The following MKI67 variants were observed in gnomAD, a reference collection of about 807,000 sequenced individuals.
MKI67 encodes proliferation marker protein Ki-67.
A neutral mutation model predicts 233.5 loss-of-function variants in MKI67; 152 were observed. The ratio of observed to expected loss-of-function variants is 0.65; its 90% CI spans 0.57 to 0.74. The LOEUF is 0.74. Ranked by LOEUF, MKI67 falls within the 30% of genes least tolerant of loss-of-function variation. MKI67 has a pLI of 0.00. For missense variants in MKI67, 3,940 were observed against 3,885.2 expected (o/e 1.01, Z -0.37); for synonymous variants, 1,465 against 1,418.5 (o/e 1.03, Z -0.74).
In MKI67 at chr10:128,111,627, C is replaced by G; in HGVS notation, c.2260+18G>C. The stretch of plus-strand genomic sequence containing the variant: ...AGTAGAGTCAAAAGATTTATAAGAT[C>G]TAAGACTACGTTTTTACCTGAAAGA... On this transcript the variant is annotated intron_variant, in intron 11 of 14. Coordinates refer to ENST00000368654, the MANE Select transcript of MKI67 (RefSeq NM_002417.5). The G allele has an allele frequency of 6.4e-7, 1 of 1,567,388 alleles. No individual in the cohort carries two copies. Among genetic ancestry groups the G allele is most frequent in the South Asian group, 1.1e-5 (1 of 88,448 alleles).
At position 128,112,438 on chromosome 10, in the gene MKI67, G is replaced by A. The variant is rs761335671; in HGVS notation, c.1664C>T (p.Pro555Leu). ...PVLKKIIKEQPQPSGKQESGS... is the reference protein window; with the variant it reads ...PVLKKIIKEQLQPSGKQESGS... Reference sequence around the variant, plus strand: ...TGACTCTTGTTTTCCTGATGGTTGAGGCTGTTCCTGACAAGACAAAATTGT... The same window carrying A: ...TGACTCTTGTTTTCCTGATGGTTGAAGCTGTTCCTGACAAGACAAAATTGT... The change falls in exon 9 of 15, where the codon CCT becomes CTT. Residue 555 changes from proline to leucine, a missense_variant. By Grantham distance (98) the Pro-to-Leu change is moderately conservative (BLOSUM62 -3). Coordinates refer to ENST00000368654, the MANE Select transcript of MKI67 (RefSeq NM_002417.5). 8 of 1,613,730 alleles carry A rather than the reference G, an allele frequency of 5.0e-6. No homozygotes were observed. The highest frequency in any genetic ancestry group is 6.8e-6 in the Non-Finnish European group (8 of 1,179,764).
Position 128,109,324 on chromosome 10 carries a change from C to G in MKI67, c.2516G>C (p.Gly839Ala). The change falls in exon 13 of 15, where the codon GGA becomes GCA. Residue 839 changes from glycine to alanine, a missense_variant. Coordinates refer to ENST00000368654, the MANE Select transcript of MKI67 (RefSeq NM_002417.5). ...GTTCCTGGGCGTTTTTGCTACGTTT[C>G]CATTTTCTCTAATACACTGCCGTCT... ...PLRRQCIREN[G>A]NVAKTPRNTY... is the part of the protein sequence containing the mutation. 1 of 1,614,122 alleles carries G rather than the reference C, an allele frequency of 6.2e-7. No homozygotes were observed. Among genetic ancestry groups the G allele is most frequent in the Non-Finnish European group, 8.5e-7 (1 of 1,180,022 alleles).
chr10:128,114,547 A>T (rs1331674434), intron 7 of MKI67, among the ~76,000 whole-genome samples: 1 of 151,792 alleles, frequency 6.6e-6, no homozygotes, highest in African/African-American at 2.4e-5. Flanking sequence ...TTTATTCCAC[A>T]TGACCAAACT....
chr10:128,110,146 A>C (rs543491140), intron 12 of MKI67, among the ~76,000 whole-genome samples: 9 of 152,346 alleles, frequency 5.9e-5, no homozygotes, highest in African/African-American at 2.2e-4. Flanking sequence ...AAGTGTACAC[A>C]GGTCATTTAC....
rs772371034 is a variant in MKI67, at chr10:128,103,632, C to T, written c.8208G>A (p.Glu2736=). The change falls in exon 13 of 15, where the codon GAG becomes GAA. Residue 2736 remains glutamate, a synonymous_variant. Transcript: ENST00000368654. ...TTTGTGTGAACTTGACTGCTGAAGG[C>T]TCTTCTTTTACTTGTACCTTCTGCA... is the stretch of plus-strand genomic sequence containing the variant. The part of the protein sequence containing the change: ...TRVQKVQVKE[E]PSAVKFTQTS... The T allele has an allele frequency of 6.2e-7, 1 of 1,614,150 alleles. No homozygotes were observed. The highest frequency in any genetic ancestry group is 8.5e-7 in the Non-Finnish European group (1 of 1,180,042).
chr10:128,108,332 C>T lies in MKI67; in HGVS notation c.3508G>A (p.Ala1170Thr), dbSNP rs377413712. 2.6e-5 allele frequency: 42 copies of T among 1,614,000 alleles called. No individual in the cohort carries two copies. The highest frequency in any genetic ancestry group is 8.3e-5 in the Admixed American group (5 of 60,000). ...TTGGGCGTAAGCATGGCTTTCCCTGCTGATGGTGTTAGTTTCCTGAGTGCT... is the reference window on the plus strand; with the variant it reads ...TTGGGCGTAAGCATGGCTTTCCCTGTTGATGGTGTTAGTTTCCTGAGTGCT... Reference protein sequence around the residue: ...FLALRKLTPSAGKAMLTPKPA... With the variant: ...FLALRKLTPSTGKAMLTPKPA... Residue 1170 changes from alanine (A) to threonine (T), a missense_variant, in exon 13 of 15, where the codon GCA becomes ACA. Physicochemically the swap from Ala to Thr is moderately conservative, Grantham distance 58. Transcript: ENST00000368654.
intron 8 of MKI67, 68 bp downstream of exon 8, chr10:128,113,359 T>C: frequency 6.8e-7 from 1 of 1,463,834 alleles, no homozygotes; most frequent in Non-Finnish European, 9.4e-7. Flanking sequence ...GTGTCAGTAT[T>C]TGGAAAGGAA....
rs1852279553 is a variant in MKI67, at chr10:128,099,212, T to C, written c.9749A>G (p.His3250Arg). 6.2e-7 allele frequency: 1 copy of C among 1,613,454 alleles called. No homozygotes were observed. The highest frequency in any genetic ancestry group is 8.5e-7 in the Non-Finnish European group (1 of 1,179,708). Residue 3250 changes from histidine to arginine, a missense_variant, in exon 15 of 15, where the codon CAT becomes CGT. His to Arg is a conservative substitution (Grantham distance 29, BLOSUM62 0). Coordinates refer to ENST00000368654, the MANE Select transcript of MKI67 (RefSeq NM_002417.5). Reference protein sequence around the residue: ...VCVKKIRTRSHRDSEDI With the variant: ...VCVKKIRTRSRRDSEDI Reference sequence around the variant, plus strand: ...CTGTCAAATATCTTCACTGTCCCTATGACTTCTGGTTCTTATTTTCTTGAC... The same window carrying C: ...CTGTCAAATATCTTCACTGTCCCTACGACTTCTGGTTCTTATTTTCTTGAC...
At chr10:128,113,932 T>C (rs1214294829) in intron 7 of MKI67, among the ~76,000 whole-genome samples, 1 of 151,930 alleles carries the variant, frequency 6.6e-6, no homozygotes, top group Non-Finnish European at 1.5e-5. Flanking sequence ...GAGAACTCTC[T>C]AAAGACATGC....
At chr10:128,110,313 T>TA in intron 12 of MKI67, 65 bp downstream of exon 12, 1 of 1,295,266 alleles carries the variant, frequency 7.7e-7, no homozygotes, top group Non-Finnish European at 1.0e-6. Flanking sequence ...ATACTGCTTG[T>TA]AAAAAAATAA....
In MKI67 at chr10:128,107,397, G is replaced by C; in HGVS notation, c.4443C>G (p.Asp1481Glu). 1 of 1,611,106 alleles carries C rather than the reference G, an allele frequency of 6.2e-7. No homozygotes were observed. The highest frequency in any genetic ancestry group is 1.1e-5 in the South Asian group (1 of 90,894). Reference protein sequence around the residue: ...KELFQTPVCTDKPTTHEKTTK... With the variant: ...KELFQTPVCTEKPTTHEKTTK... Reference sequence around the variant, plus strand: ...TAGTTTTCTCGTGAGTCGTGGGCTTGTCAGTGCATACTGGTGTCTGGAAGA... The same window carrying C: ...TAGTTTTCTCGTGAGTCGTGGGCTTCTCAGTGCATACTGGTGTCTGGAAGA... The change falls in exon 13 of 15, where the codon GAC becomes GAG. Residue 1481 changes from aspartate to glutamate, a missense_variant. Transcript: ENST00000368654.
In MKI67 at chr10:128,104,497, C is replaced by T. The variant is rs1030596505; in HGVS notation, c.7343G>A (p.Gly2448Asp). 5 of 1,614,162 alleles carry T rather than the reference C, an allele frequency of 3.1e-6. No individual in the cohort carries two copies. The stretch of plus-strand genomic sequence containing the variant: ...ATCAGTCATTGATTCCTCAGTGTGA[C>T]CTGGTGTCTGGAAGAGTTCTTTGAA... ...VGFKELFQTP[G>D]HTEESMTDDK... The change falls in exon 13 of 15, where the codon GGT (glycine) becomes GAT (aspartate). Residue 2448 changes from glycine (G) to aspartate (D), a missense_variant. Physicochemically the swap from Gly to Asp is moderately conservative, Grantham distance 94. Transcript: ENST00000368654.
At chr10:128,111,497 C>T in intron 11 of MKI67, 148 bp downstream of exon 11, 1 of 748,304 alleles carries the variant, frequency 1.3e-6, no homozygotes, top group Non-Finnish European at 2.1e-6. Flanking sequence ...CTTTATCTTC[C>T]CTGAACACTA....
intron 4 of MKI67, among the ~76,000 whole-genome samples, chr10:128,121,314 G>A (rs145201156): frequency 5.4e-5 from 8 of 147,452 alleles, no homozygotes; most frequent in African/African-American, 1.5e-4. Context: ...TGAATCTAAC[G>A]GGAGTGTGTG....
Position 128,113,509 on chromosome 10 carries a change from G to C in MKI67, c.1574C>G (p.Thr525Arg), listed in dbSNP as rs201423368. Reference sequence around the variant, plus strand: ...TGGGGCTTCTCCCCTTTTGAGAGGCGTATTAGGAGGCAAGTTTTCATCAAA... The same window carrying C: ...TGGGGCTTCTCCCCTTTTGAGAGGCCTATTAGGAGGCAAGTTTTCATCAAA... Reference protein sequence around the residue: ...ELFDENLPPNTPLKRGEAPTK... With the variant: ...ELFDENLPPNRPLKRGEAPTK... Residue 525 changes from threonine (T) to arginine (R), a missense_variant, in exon 8 of 15, where the codon ACG (threonine) becomes AGG (arginine). By Grantham distance (71) the Thr-to-Arg change is moderately conservative. Coordinates refer to ENST00000368654, the MANE Select transcript of MKI67 (RefSeq NM_002417.5). 23 of 1,614,004 alleles carry C rather than the reference G, an allele frequency of 1.4e-5. 1 individual carries two copies. The highest frequency in any genetic ancestry group is 8.8e-5 in the South Asian group (8 of 91,080).
rs997105116 is a variant in MKI67, at chr10:128,125,770, G to A, written c.-89-14C>T. On this transcript the variant is annotated splice_polypyrimidine_tract_variant and intron_variant, in intron 1 of 14. Coordinates refer to ENST00000368654, the MANE Select transcript of MKI67 (RefSeq NM_002417.5). This position sits in a 1 kb window ranked among gnomAD's most constrained non-coding sequence, Gnocchi z 5.3. ...ACAACTCTTCCACTGCAAAAGAGGTGCGAGTTACTCTGATAGCAAAGGAGC... is the reference window on the plus strand; with the variant it reads ...ACAACTCTTCCACTGCAAAAGAGGTACGAGTTACTCTGATAGCAAAGGAGC... 1.0e-6 allele frequency: 1 copy of A among 964,254 alleles called. No homozygotes were observed. Among genetic ancestry groups the A allele is most frequent in the African/African-American group, 1.6e-5 (1 of 62,672 alleles). The allele number at this position is 964,254 out of a possible 1,614,324, so 59.7% of individuals were successfully genotyped here.
intron 4 of MKI67, among the ~76,000 whole-genome samples, chr10:128,119,645 TCA>T (rs1852889785): frequency 6.6e-6 from 1 of 152,156 alleles, no homozygotes. Flanking sequence ...GAGAGCAAAG[TCA>T]AGTTTCTTCT....
Position 128,104,375 on chromosome 10 carries a change from C to T in MKI67, c.7465G>A (p.Val2489Met). ...KQRLKIPLVK[V>M]DMKEEPLAVS... ...GCTAGGGGCTCTTCTTTCATGTCCA[C>T]TTTCACCAGGGGTATCTTGAGCCTT... is the stretch of plus-strand genomic sequence containing the variant. The change falls in exon 13 of 15, where the codon GTG becomes ATG. Residue 2489 changes from valine (V) to methionine (M), a missense_variant. Val to Met is a conservative substitution (Grantham distance 21). Transcript: ENST00000368654. 6.2e-7 allele frequency: 1 copy of T among 1,614,204 alleles called. No homozygotes were observed. The highest frequency in any genetic ancestry group is 8.5e-7 in the Non-Finnish European group (1 of 1,180,040).
At chr10:128,110,746 G>A (rs1485616977) in intron 11 of MKI67, among the ~76,000 whole-genome samples, 2 of 152,142 alleles carry the variant, frequency 1.3e-5, no homozygotes, top group Non-Finnish European at 2.9e-5. Context: ...TATGCTCTTC[G>A]CTTTGCTTTT....
Sources: allele counts gnomAD v4.1 joint callset (sites outside exome capture counted in the v4.1 genomes callset), GRCh38; gene constraint gnomAD v4.1.1; non-coding constraint Gnocchi (gnomAD v3.1); transcripts MANE v1.5; gene names NCBI Gene and HGNC (gene_info 2026-07-23, HGNC 2026-07-21).